Variants in RORA observed in about 807,000 individuals in gnomAD.
RORA encodes the protein RAR related orphan receptor A, also known as nuclear receptor ROR-alpha.
A neutral mutation model predicts 69.5 loss-of-function variants in RORA; 7 were observed. That is an observed-to-expected ratio of 0.10 (90% CI 0.06 to 0.19). The LOEUF (loss-of-function observed/expected upper bound fraction) is 0.19, where lower values mean the gene tolerates loss of function less well. RORA is among the 10% of genes least tolerant of loss of function. The pLI, the probability that RORA is intolerant of heterozygous loss-of-function variation, is 1.00. For missense variants in RORA, 457 were observed against 663.0 expected (o/e 0.69, Z 3.41); for synonymous variants, 261 against 240.8 (o/e 1.08, Z -0.78).
intron 1 of RORA, among the ~76,000 whole-genome samples, chr15:60,776,775 G>A (rs2072173649): frequency 6.6e-6 from 1 of 152,168 alleles, no homozygotes. Context: ...ATCAGTAACA[G>A]TGCAATTACC....
intron 2 of RORA, among the ~76,000 whole-genome samples, chr15:60,604,506 T>C (rs532641193): frequency 6.6e-6 from 1 of 152,216 alleles, no homozygotes; most frequent in Non-Finnish European, 1.5e-5. Context: ...GATTCGTCAC[T>C]CTCTTTTCAA....
chr15:61,011,317 C>T (rs1049298859), intron 1 of RORA, among the ~76,000 whole-genome samples: 1 of 152,230 alleles, frequency 6.6e-6, no homozygotes, highest in East Asian at 1.9e-4. Context: ...TATTAAAGTT[C>T]CTGAATTCTA....
intron 1 of RORA, among the ~76,000 whole-genome samples, chr15:60,882,662 C>A (rs867315482): frequency 7.4e-6 from 1 of 135,756 alleles, no homozygotes; most frequent in Non-Finnish European, 1.6e-5. Flanking sequence ...CACACACACA[C>A]ACACACACAA....
At chr15:60,505,403 T>A in intron 6 of RORA, 105 bp downstream of exon 6, 1 of 1,103,204 alleles carries the variant, frequency 9.1e-7, no homozygotes. Context: ...AGAAACCTGA[T>A]GACATTCATT....
chr15:60,636,758 A>C (rs1179590351), intron 2 of RORA, among the ~76,000 whole-genome samples: 1 of 152,130 alleles, frequency 6.6e-6, no homozygotes, highest in Non-Finnish European at 1.5e-5. Context: ...TGCAACCACC[A>C]CTACCATCCA....
At chr15:60,694,372 A>G (rs1239387800) in intron 1 of RORA, among the ~76,000 whole-genome samples, 1 of 152,202 alleles carries the variant, frequency 6.6e-6, no homozygotes, top group Non-Finnish European at 1.5e-5. Context: ...AGCACGGAAG[A>G]TGAGCATCTG....
In RORA at chr15:61,228,108, A is replaced by C. The variant is rs1396281892; in HGVS notation, c.166+945T>G. Among the ~76,000 whole-genome samples, 3 of 151,694 alleles carry C rather than the reference A, an allele frequency of 2.0e-5. No individual in the cohort carries two copies. In the East Asian group the frequency reaches 5.8e-4, roughly 30 times the overall value. On this transcript the variant is annotated intron_variant, in intron 1 of 10. Coordinates refer to ENST00000335670, the MANE Select transcript of RORA (RefSeq NM_134261.3). ...GGGAGGAGAAAACATTGCTTGCACT[A>C]TCCAACCAGCATACAACTTGCACTG... is the stretch of plus-strand genomic sequence containing the variant.
intron 1 of RORA, among the ~76,000 whole-genome samples, chr15:61,193,346 G>A (rs1307910421): frequency 6.6e-6 from 1 of 152,230 alleles, no homozygotes; most frequent in Non-Finnish European, 1.5e-5. Flanking sequence ...CCTGCACAAA[G>A]TTATACTGCT....
chr15:60,959,532 C>T (rs1447713438), intron 1 of RORA, among the ~76,000 whole-genome samples: 2 of 152,092 alleles, frequency 1.3e-5, no homozygotes, highest in Non-Finnish European at 2.9e-5. Context: ...GGGTTCTTTA[C>T]AAAAATAAAC....
At chr15:60,930,646 T>C (rs1329921126) in intron 1 of RORA, among the ~76,000 whole-genome samples, 3 of 152,210 alleles carry the variant, frequency 2.0e-5, no homozygotes, top group Admixed American at 2.0e-4. Flanking sequence ...TTATGCCCAA[T>C]TCACTGAAGG....
At chr15:60,999,072 G>T (rs930220197) in intron 1 of RORA, among the ~76,000 whole-genome samples, 2 of 152,212 alleles carry the variant, frequency 1.3e-5, no homozygotes, top group African/African-American at 2.4e-5. Flanking sequence ...AGAGCTAGAA[G>T]AGAGCCTGAA....
chr15:60,802,733 G>A (rs957507470), intron 1 of RORA, among the ~76,000 whole-genome samples: 3 of 152,068 alleles, frequency 2.0e-5, no homozygotes, highest in Admixed American at 6.5e-5. Context: ...ATATTTCTAT[G>A]TCTACAGAGA....
Position 60,497,426 on chromosome 15 carries a change from A to G in RORA, c.*29T>C, listed in dbSNP as rs746553625. On this transcript the variant is annotated 3_prime_UTR_variant, in exon 11 of 11. Transcript: ENST00000335670. ...TTTGTTTTTCATGTTTGTACTTCAG[A>G]CATTCTAGAAGTGCTTAGGTGATAA... The G allele has an allele frequency of 1.2e-6, 2 of 1,603,704 alleles. 1 individual carries two copies. Among genetic ancestry groups the G allele is most frequent in the Non-Finnish European group, 1.7e-6 (2 of 1,171,698 alleles).
intron 1 of RORA, among the ~76,000 whole-genome samples, chr15:60,818,350 A>G (rs1008770425): frequency 6.6e-6 from 1 of 152,232 alleles, no homozygotes; most frequent in East Asian, 1.9e-4. Context: ...AGAGGGAAGG[A>G]GAAACCCGTT....
chr15:61,090,786 T>A (rs775259834), intron 1 of RORA, among the ~76,000 whole-genome samples: 1 of 152,162 alleles, frequency 6.6e-6, no homozygotes, highest in South Asian at 2.1e-4. Context: ...CCAGCTACCA[T>A]GTCACACAGC....
chr15:60,845,137 G>A (rs1005218087), intron 1 of RORA, among the ~76,000 whole-genome samples: 17 of 152,180 alleles, frequency 1.1e-4, no homozygotes, highest in African/African-American at 4.1e-4. Context: ...GGTTGAGAAG[G>A]TGAGACTAGT....
intron 2 of RORA, among the ~76,000 whole-genome samples, chr15:60,539,003 A>G (rs1028245805): frequency 1.1e-4 from 8 of 75,546 alleles, no homozygotes; most frequent in Admixed American, 3.4e-4. Context: ...CCAAATGCAC[A>G]CACACACACA....
chr15:61,079,658 G>T (rs989551601), intron 1 of RORA, among the ~76,000 whole-genome samples: 3 of 152,204 alleles, frequency 2.0e-5, no homozygotes, highest in African/African-American at 4.8e-5. Context: ...AAAGGACAGA[G>T]ATAGAGCATC....
intron 2 of RORA, among the ~76,000 whole-genome samples, chr15:60,624,764 A>C (rs954393759): frequency 1.3e-5 from 2 of 152,046 alleles, no homozygotes; most frequent in African/African-American, 4.8e-5. Context: ...TCTGTGTAAC[A>C]TCCATCTGTG....
Sources: allele counts gnomAD v4.1 joint callset (sites outside exome capture counted in the v4.1 genomes callset), GRCh38; gene constraint gnomAD v4.1.1; transcripts MANE v1.5; gene names NCBI Gene and HGNC (gene_info 2026-07-23, HGNC 2026-07-21).